PACRG: variants seen among roughly 807,000 people sequenced by gnomAD.
The protein encoded by PACRG is parkin coregulated gene protein.
A neutral mutation model predicts 29.7 loss-of-function variants in PACRG; 29 were observed. That is an observed-to-expected ratio of 0.98 (90% confidence interval 0.73 to 1.33). PACRG has a LOEUF of 1.33. Among genes scored for constraint, PACRG ranks in the 40% most tolerant of loss-of-function variants. The probability of loss-of-function intolerance (pLI) is 0.00; values close to 1 mark genes in which losing one functional copy is unlikely to be tolerated. For missense variants in PACRG, 279 were observed against 316.2 expected (o/e 0.88, Z 0.89); for synonymous variants, 116 against 118.7 (o/e 0.98, Z 0.15).
intron 4 of PACRG, among the ~76,000 whole-genome samples, chr6:163,159,656 G>A (rs1300999629): frequency 1.3e-5 from 2 of 152,076 alleles, no homozygotes; most frequent in East Asian, 1.9e-4. Context: ...CTTTTACAAG[G>A]TCAGGGGTGA....
In PACRG at chr6:163,305,840, A is replaced by G. The variant is rs1172684747; in HGVS notation, c.614-8987A>G. Reference sequence around the variant, plus strand: ...CTACCCGGTTGGTTGCAGTGGCTACAGTATCTCCCCATCACTTACTCACCT... The same window carrying G: ...CTACCCGGTTGGTTGCAGTGGCTACGGTATCTCCCCATCACTTACTCACCT... On this transcript the variant is annotated intron_variant, in intron 4 of 4. Coordinates refer to ENST00000366888, the MANE Select transcript of PACRG (RefSeq NM_001080379.2). Among the ~76,000 whole-genome samples the G allele has an allele frequency of 2.0e-5, 3 of 152,320 alleles. No individual in the cohort carries two copies. In the East Asian group the frequency reaches 5.8e-4, roughly 29 times the overall value.
intron 2 of PACRG, among the ~76,000 whole-genome samples, chr6:162,844,568 C>T (rs1420002778): frequency 3.9e-5 from 6 of 152,246 alleles, no homozygotes; most frequent in Middle Eastern, 3.2e-3. Flanking sequence ...GCGTCGCTCA[C>T]GCTGGGAGCT....
intron 1 of PACRG, among the ~76,000 whole-genome samples, chr6:162,787,211 T>A (rs1466596423): frequency 1.3e-5 from 2 of 152,120 alleles, no homozygotes; most frequent in African/African-American, 4.8e-5. Context: ...GCTGATGTAC[T>A]CTGTACTTAT....
At chr6:163,142,923 C>A (rs1777609277) in intron 4 of PACRG, among the ~76,000 whole-genome samples, 1 of 152,104 alleles carries the variant, frequency 6.6e-6, no homozygotes, top group African/African-American at 2.4e-5. Context: ...AAATAAAGAC[C>A]AAGAATCCGT....
At chr6:163,159,229 T>A (rs1778447972) in intron 4 of PACRG, among the ~76,000 whole-genome samples, 1 of 150,238 alleles carries the variant, frequency 6.7e-6, no homozygotes, top group African/African-American at 2.5e-5. Context: ...TTTAAAGAGT[T>A]TAAAGTTTCA....
chr6:162,821,795 C>CA (rs1200624872), intron 2 of PACRG, among the ~76,000 whole-genome samples: 1 of 152,126 alleles, frequency 6.6e-6, no homozygotes, highest in East Asian at 1.9e-4. Flanking sequence ...ATTTAATGAA[C>CA]AGTTCGCTCC....
At chr6:162,892,956 C>T (rs1306208061) in intron 2 of PACRG, among the ~76,000 whole-genome samples, 3 of 119,752 alleles carry the variant, frequency 2.5e-5, no homozygotes, top group Non-Finnish European at 5.9e-5. Context: ...GAAGAACCAC[C>T]TCAGCCTCAA....
chr6:162,854,990 C>T (rs1366905433), intron 2 of PACRG, among the ~76,000 whole-genome samples: 1 of 152,276 alleles, frequency 6.6e-6, no homozygotes, highest in Non-Finnish European at 1.5e-5. Flanking sequence ...CGCTTCTACG[C>T]TGTGCCCTGC....
intron 4 of PACRG, among the ~76,000 whole-genome samples, chr6:163,244,307 G>A (rs1332336980): frequency 6.6e-6 from 1 of 151,754 alleles, no homozygotes; most frequent in East Asian, 1.9e-4. Flanking sequence ...TTGATGACGT[G>A]TTTCCGTGTG....
At chr6:163,160,378 G>T (rs1024941667) in intron 4 of PACRG, among the ~76,000 whole-genome samples, 9 of 152,162 alleles carry the variant, frequency 5.9e-5, no homozygotes, top group Non-Finnish European at 1.2e-4. Flanking sequence ...GTCTTGTCAA[G>T]TGTGCTTAAT....
intron 2 of PACRG, among the ~76,000 whole-genome samples, chr6:163,006,176 CAT>C (rs2128205687): frequency 7.5e-6 from 1 of 134,020 alleles, no homozygotes; most frequent in African/African-American, 2.8e-5. Context: ...ATAAAACATA[CAT>C]ATATATAAAC....
At chr6:163,115,503 G>A (rs1225580459) in intron 4 of PACRG, among the ~76,000 whole-genome samples, 1 of 152,156 alleles carries the variant, frequency 6.6e-6, no homozygotes, top group African/African-American at 2.4e-5. Context: ...CAAAATGAAT[G>A]AAGGGAATTA....
chr6:163,121,031 C>A (rs1816241777), intron 4 of PACRG, among the ~76,000 whole-genome samples: 1 of 152,196 alleles, frequency 6.6e-6, no homozygotes, highest in African/African-American at 2.4e-5. Context: ...ATATACTCTT[C>A]CATTTTCTAT....
chr6:162,964,392 A>T (rs1317743831), intron 2 of PACRG, among the ~76,000 whole-genome samples: 1 of 152,202 alleles, frequency 6.6e-6, no homozygotes, highest in Non-Finnish European at 1.5e-5. Context: ...AAGTTAATGA[A>T]ATCATAAAGG....
chr6:162,779,694 G>T (rs1411597018), intron 1 of PACRG, among the ~76,000 whole-genome samples: 1 of 152,178 alleles, frequency 6.6e-6, no homozygotes, highest in African/African-American at 2.4e-5. Flanking sequence ...AATAAGTATT[G>T]AGAGTATTTA....
chr6:162,896,803 T>C (rs1795204535), intron 2 of PACRG, among the ~76,000 whole-genome samples: 1 of 152,244 alleles, frequency 6.6e-6, no homozygotes, highest in Non-Finnish European at 1.5e-5. Flanking sequence ...ATTTGATTAT[T>C]TTGTTTCAAA....
chr6:162,774,712 T>G (rs1460862558), intron 1 of PACRG, among the ~76,000 whole-genome samples: 1 of 152,206 alleles, frequency 6.6e-6, no homozygotes, highest in Non-Finnish European at 1.5e-5. Context: ...TTTTCTAGCT[T>G]TCTTGTAGTC....
At chr6:163,175,466 C>CG (rs892706275) in intron 4 of PACRG, among the ~76,000 whole-genome samples, 2 of 151,802 alleles carry the variant, frequency 1.3e-5, no homozygotes, top group African/African-American at 4.8e-5. Flanking sequence ...ATCACTCCCC[C>CG]CCAGCCACCT....
At chr6:163,109,072 T>G (rs550456890) in intron 4 of PACRG, among the ~76,000 whole-genome samples, 17 of 152,340 alleles carry the variant, frequency 1.1e-4, no homozygotes, top group Admixed American at 1.0e-3. Flanking sequence ...TTTTCTGCTC[T>G]TTTGCTTCTC....
Sources: allele counts gnomAD v4.1 joint callset (sites outside exome capture counted in the v4.1 genomes callset), GRCh38; gene constraint gnomAD v4.1.1; transcripts MANE v1.5; gene names NCBI Gene and HGNC (gene_info 2026-07-23, HGNC 2026-07-21).